Variants in VIRMA observed in about 807,000 individuals in gnomAD.
The protein encoded by VIRMA is vir like m6A methyltransferase associated, also known as protein virilizer homolog.
A neutral mutation model predicts 182.4 loss-of-function variants in VIRMA; 65 were observed. The observed-to-expected ratio is 0.36, with a 90% CI of 0.29 to 0.44. The LOEUF (loss-of-function observed/expected upper bound fraction) is 0.44. Ranked by LOEUF, VIRMA falls within the 20% of genes least tolerant of loss-of-function variation. VIRMA has a pLI of 1.00. For synonymous variants in VIRMA, 709 were observed against 743.1 expected, an observed-to-expected ratio of 0.95 and a Z score of 0.75; for missense variants, 1,752 against 2,158.1, an observed-to-expected ratio of 0.81 and a Z score of 3.73.
At chr8:94,539,341 C>T (rs1815461630) in intron 2 of VIRMA, among the ~76,000 whole-genome samples, 1 of 152,146 alleles carries the variant, frequency 6.6e-6, no homozygotes, top group South Asian at 2.1e-4. Flanking sequence ...GATATTTGTA[C>T]AGCAGCAATT....
At position 94,519,048 on chromosome 8, in the gene VIRMA, C is replaced by T. The variant is rs1410570093; in HGVS notation, c.2450G>A (p.Ser817Asn). The T allele has an allele frequency of 6.2e-7, 1 of 1,613,778 alleles. No individual in the cohort carries two copies. Among genetic ancestry groups the T allele is most frequent in the Middle Eastern group, 1.7e-4 (1 of 6,060 alleles). The stretch of plus-strand genomic sequence containing the variant: ...AAGACTTTGGAGATTTTTCTCCAGA[C>T]TAAAAACATGGCCAACAGCTGATCT... The part of the protein sequence containing the change: ...VGRSAVGHVF[S>N]LEKNLQSLIT... Residue 817 changes from serine (S) to asparagine (N), a missense_variant, in exon 9 of 24, where the codon AGT becomes AAT. Coordinates refer to ENST00000297591, the MANE Select transcript of VIRMA (RefSeq NM_015496.5).
intron 1 of VIRMA, among the ~76,000 whole-genome samples, chr8:94,546,466 C>T (rs1992370): frequency 0.24 from 35,935 of 150,980 alleles, 5,550 homozygotes; most frequent in East Asian, 0.5. Flanking sequence ...TCCTCCATTC[C>T]GGCTGTCACT....
At chr8:94,498,332 TA>T (rs1435453091) in intron 17 of VIRMA, 1 of 152,212 alleles carries the variant, frequency 6.6e-6, no homozygotes, top group Non-Finnish European at 1.5e-5. Flanking sequence ...CCAAAAATAC[TA>T]AAGCATAATA....
chr8:94,495,074 C>A, intron 19 of VIRMA, 118 bp from the exon 20 acceptor site: 2 of 728,646 alleles, frequency 2.7e-6, no homozygotes, highest in South Asian at 3.0e-5. Context: ...GATCACAGTT[C>A]ACTGCAGCCT....
Position 94,526,730 on chromosome 8 carries a change from T to C in VIRMA, c.1514A>G (p.Lys505Arg). The C allele has an allele frequency of 6.2e-7, 1 of 1,613,924 alleles. No individual in the cohort carries two copies. Residue 505 changes from lysine to arginine, a missense_variant, in exon 8 of 24, where the codon AAA becomes AGA. Physicochemically the swap from Lys to Arg is conservative, Grantham distance 26. This residue lies in a region of VIRMA where 401 missense variants were observed against 455.1 expected (regional missense o/e 0.88). Transcript: ENST00000297591. ...CATACTAATGACACTGTCCAAAGCT[T>C]TAAAAGCATTTAACTTAAGAGAAGA... ...VSSSLKLNAF[K>R]ALDSVISMTE... is the part of the protein sequence containing the mutation.
chr8:94,542,895 A>G (rs1234119027), intron 2 of VIRMA, among the ~76,000 whole-genome samples: 6 of 152,100 alleles, frequency 3.9e-5, no homozygotes, highest in Non-Finnish European at 7.4e-5. Context: ...CACCCACCAC[A>G]AAGTAGCTAG....
rs528446270 is a variant in VIRMA at position 94,499,357 on chromosome 8, A to C, written c.4230+17T>G. The C allele has an allele frequency of 1.3e-6, 2 of 1,513,436 alleles. No homozygotes were observed. Among genetic ancestry groups the C allele is most frequent in the Middle Eastern group, 1.7e-4 (1 of 5,888 alleles). 93.8% of individuals were successfully genotyped at this position (1,513,436 alleles called of 1,614,324 possible). The stretch of plus-strand genomic sequence containing the variant: ...ATACATACATATATACACAAACACA[A>C]ACACACACATACTTACAATTGTGTC... On this transcript the variant is annotated intron_variant, in intron 17 of 23. Transcript: ENST00000297591.
intron 6 of VIRMA, among the ~76,000 whole-genome samples, chr8:94,529,612 TTTTTA>T (rs201575254): frequency 7.3e-4 from 108 of 148,156 alleles, no homozygotes; most frequent in African/African-American, 2.4e-3. Context: ...TACATACTTA[TTTTTA>T]TTTTATTTTA....
Position 94,510,480 on chromosome 8 carries a change from GC to G in VIRMA, c.3562del (p.Ala1188ProfsTer7), listed in dbSNP as rs1814324521. 1 of 1,613,936 alleles carries G rather than the reference GC, an allele frequency of 6.2e-7. No homozygotes were observed. The highest frequency in any genetic ancestry group is 1.1e-5 in the South Asian group (1 of 91,084). On this transcript the variant is annotated frameshift_variant, in exon 14 of 24. Transcript: ENST00000297591. LOFTEE classifies it high-confidence loss of function. ...RRICVQLCDLASPTALLIMRT... is the reference protein window; with the variant it reads ...RRICVQLCDLXSPTALLIMRT... ...CATAATCAGAAGTGCAGTTGGTGAG[GC>G]AAGGTCACACAATTGAACACAAATA...
chr8:94,541,290 T>A (rs1401583193), intron 2 of VIRMA, among the ~76,000 whole-genome samples: 1 of 151,650 alleles, frequency 6.6e-6, no homozygotes, highest in Admixed American at 6.6e-5. Flanking sequence ...CCCAACTAAT[T>A]TTTAAATTTT....
intron 1 of VIRMA, among the ~76,000 whole-genome samples, chr8:94,547,258 G>A (rs1271874231): frequency 6.6e-6 from 1 of 150,960 alleles, no homozygotes; most frequent in Non-Finnish European, 1.5e-5. Context: ...ATTGAATTGT[G>A]TTTTCAGAGA....
At chr8:94,494,317 C>T (rs1049354222) in intron 20 of VIRMA, among the ~76,000 whole-genome samples, 3 of 150,910 alleles carry the variant, frequency 2.0e-5, no homozygotes, top group African/African-American at 7.3e-5. Flanking sequence ...TTTGGCTGGG[C>T]ATGGTGGCTC....
intron 1 of VIRMA, among the ~76,000 whole-genome samples, chr8:94,552,109 G>C (rs946188023): frequency 6.6e-6 from 1 of 152,172 alleles, no homozygotes; most frequent in African/African-American, 2.4e-5. Context: ...CTAAATCTCG[G>C]CTAGAATGTT....
intron 8 of VIRMA, among the ~76,000 whole-genome samples, chr8:94,523,962 T>C (rs913635774): frequency 6.7e-6 from 1 of 148,986 alleles, no homozygotes; most frequent in African/African-American, 2.5e-5. Context: ...CCCGGCTAGT[T>C]TTTGTGTGTG....
At chr8:94,543,335 A>C (rs987995225) in intron 2 of VIRMA, among the ~76,000 whole-genome samples, 6 of 139,816 alleles carry the variant, frequency 4.3e-5, no homozygotes, top group African/African-American at 1.6e-4. Flanking sequence ...CAGGAGGCAG[A>C]GGTTGCAGTG....
At chr8:94,534,792 A>G in intron 5 of VIRMA, 47 bp downstream of exon 5, 1 of 1,587,414 alleles carries the variant, frequency 6.3e-7, no homozygotes, top group African/African-American at 1.4e-5. Flanking sequence ...TTTTTTTTAA[A>G]CCACGGATAT....
chr8:94,513,843 T>C (rs1343186661), intron 11 of VIRMA, among the ~76,000 whole-genome samples: 5 of 152,124 alleles, frequency 3.3e-5, no homozygotes, highest in Non-Finnish European at 5.9e-5. Flanking sequence ...CTAGATGTCA[T>C]TTGAGGCTCA....
At position 94,519,035 on chromosome 8, in the gene VIRMA, A is replaced by G; in HGVS notation, c.2463T>C (p.Asn821=). 6.2e-7 allele frequency: 1 copy of G among 1,613,738 alleles called. No homozygotes were observed. The highest frequency in any genetic ancestry group is 8.5e-7 in the Non-Finnish European group (1 of 1,179,900). The change falls in exon 9 of 24, where the codon AAT becomes AAC. Residue 821 remains asparagine (N), a synonymous_variant. Coordinates refer to ENST00000297591, the MANE Select transcript of VIRMA (RefSeq NM_015496.5). Reference sequence around the variant, plus strand: ...CCATTAGAGTAATAAGACTTTGGAGATTTTTCTCCAGACTAAAAACATGGC... The same window carrying G: ...CCATTAGAGTAATAAGACTTTGGAGGTTTTTCTCCAGACTAAAAACATGGC... The part of the protein sequence containing the change: ...AVGHVFSLEK[N]LQSLITLMEY...
intron 19 of VIRMA, among the ~76,000 whole-genome samples, chr8:94,495,384 T>TA (rs993175285): frequency 1.3e-5 from 2 of 151,938 alleles, no homozygotes; most frequent in African/African-American, 4.8e-5. Flanking sequence ...AAGTAGTACC[T>TA]AAAAAAGAAA....
Sources: gnomAD v4.1 joint callset for allele counts (sites outside exome capture counted in the v4.1 genomes callset) on GRCh38, gnomAD v4.1.1 for gene constraint, gnomAD v4.1.1 regional missense constraint, MANE v1.5 for transcripts, NCBI Gene and HGNC (gene_info 2026-07-23, HGNC 2026-07-21) for gene names.